The following GRIK4 variants were observed in gnomAD, a reference collection of about 807,000 sequenced individuals.
GRIK4 encodes glutamate receptor ionotropic, kainate 4.
In GRIK4, 40 loss-of-function variants were observed where a neutral mutation model predicts 104.9. That is an observed-to-expected ratio of 0.38 (90% confidence interval 0.30 to 0.50). The LOEUF (loss-of-function observed/expected upper bound fraction) is 0.50, where lower values mean the gene tolerates loss of function less well. GRIK4 is among the 20% of genes least tolerant of loss of function. The probability of loss-of-function intolerance (pLI) is 0.93; values close to 1 mark genes in which losing one functional copy is unlikely to be tolerated. For synonymous variants in GRIK4, 485 were observed against 524.9 expected, an observed-to-expected ratio of 0.92 and a Z score of 1.04; for missense variants, 1,047 against 1,308.1, an observed-to-expected ratio of 0.80 and a Z score of 3.08.
intron 8 of GRIK4, among the ~76,000 whole-genome samples, chr11:120,854,054 A>C (rs947233202): frequency 6.6e-6 from 1 of 152,332 alleles, no homozygotes; most frequent in South Asian, 2.1e-4. Flanking sequence ...TTCACTTCCA[A>C]TTGTGGTCGG....
intron 3 of GRIK4, among the ~76,000 whole-genome samples, chr11:120,697,040 C>T (rs1950460951): frequency 6.6e-6 from 1 of 152,206 alleles, no homozygotes; most frequent in African/African-American, 2.4e-5. Context: ...AATGGATCTG[C>T]CTCTGCCTCC....
chr11:120,708,130 A>G (rs1336047983), intron 3 of GRIK4, among the ~76,000 whole-genome samples: 2 of 152,178 alleles, frequency 1.3e-5, no homozygotes, highest in Non-Finnish European at 2.9e-5. Flanking sequence ...TACCATCTCC[A>G]TATGAGCCAT....
chr11:120,644,285 G>A (rs80097471), intron 1 of GRIK4, among the ~76,000 whole-genome samples: 3,186 of 152,062 alleles, frequency 0.021, 116 homozygotes, highest in African/African-American at 0.073. Context: ...TTAAATGTGT[G>A]GATCAGAAGC....
At chr11:120,572,970 T>C (rs533539878) in intron 1 of GRIK4, among the ~76,000 whole-genome samples, 1 of 152,312 alleles carries the variant, frequency 6.6e-6, no homozygotes, top group Admixed American at 6.5e-5. Context: ...GTAACCATAC[T>C]CCATTCACTC....
At chr11:120,572,068 G>A (rs991972360) in intron 1 of GRIK4, among the ~76,000 whole-genome samples, 7 of 152,146 alleles carry the variant, frequency 4.6e-5, no homozygotes, top group Admixed American at 2.0e-4. Flanking sequence ...AGATGCCGGC[G>A]GATCCAGGGT....
intron 3 of GRIK4, among the ~76,000 whole-genome samples, chr11:120,689,757 G>T (rs1950328598): frequency 6.6e-6 from 1 of 151,990 alleles, no homozygotes; most frequent in African/African-American, 2.4e-5. Context: ...TTCCTCCTCT[G>T]TTAAAATAAA....
At chr11:120,747,079 C>T (rs911051575) in intron 3 of GRIK4, among the ~76,000 whole-genome samples, 1 of 152,122 alleles carries the variant, frequency 6.6e-6, no homozygotes, top group Non-Finnish European at 1.5e-5. Flanking sequence ...GTATGGCATC[C>T]CTGAAATAAC....
chr11:120,932,583 G>T (rs1482204420), intron 13 of GRIK4, among the ~76,000 whole-genome samples: 1 of 152,160 alleles, frequency 6.6e-6, no homozygotes, highest in East Asian at 1.9e-4. Flanking sequence ...AATTCCATAA[G>T]CCTTTTCAAT....
intron 4 of GRIK4, among the ~76,000 whole-genome samples, 172 bp downstream of exon 4, chr11:120,803,029 G>A (rs966236428): frequency 6.6e-6 from 1 of 152,200 alleles, no homozygotes; most frequent in Non-Finnish European, 1.5e-5. Flanking sequence ...GCCTGGATGA[G>A]ATTCCCAGGT....
intron 11 of GRIK4, among the ~76,000 whole-genome samples, chr11:120,878,411 G>A (rs1463448952): frequency 6.6e-6 from 1 of 152,164 alleles, no homozygotes; most frequent in African/African-American, 2.4e-5. Context: ...GTAGAAGAGT[G>A]TTCGTGAACT....
chr11:120,603,712 T>C (rs1034308874), intron 1 of GRIK4, among the ~76,000 whole-genome samples: 1 of 152,188 alleles, frequency 6.6e-6, no homozygotes, highest in Non-Finnish European at 1.5e-5. Flanking sequence ...TCATACCCCT[T>C]GATGGGGCTT....
chr11:120,708,739 C>G (rs1030437234), intron 3 of GRIK4, among the ~76,000 whole-genome samples: 1 of 152,202 alleles, frequency 6.6e-6, no homozygotes, highest in Non-Finnish European at 1.5e-5. Context: ...TGCTGTCTTC[C>G]TGATACTCTG....
chr11:120,809,893 C>T (rs530325326), intron 4 of GRIK4, among the ~76,000 whole-genome samples: 27 of 152,096 alleles, frequency 1.8e-4, no homozygotes, highest in African/African-American at 5.8e-4. Flanking sequence ...TAGTGGGGCC[C>T]CATCTCTACA....
intron 3 of GRIK4, among the ~76,000 whole-genome samples, chr11:120,736,829 T>C (rs1951232880): frequency 6.6e-6 from 1 of 151,152 alleles, no homozygotes; most frequent in African/African-American, 2.4e-5. Flanking sequence ...CTAGAAAGTA[T>C]GACCAAGAAA....
intron 1 of GRIK4, among the ~76,000 whole-genome samples, chr11:120,592,872 C>T (rs562768350): frequency 1.3e-5 from 2 of 152,284 alleles, no homozygotes; most frequent in Admixed American, 6.5e-5. Flanking sequence ...CAGGGATGTG[C>T]TCTGTTCTCT....
At chr11:120,927,032 T>G (rs1056601951) in intron 13 of GRIK4, among the ~76,000 whole-genome samples, 3 of 152,100 alleles carry the variant, frequency 2.0e-5, no homozygotes, top group Admixed American at 2.0e-4. Context: ...GCAGAGCATA[T>G]GTGGAGGGGA....
intron 1 of GRIK4, among the ~76,000 whole-genome samples, chr11:120,577,243 T>C (rs571952842): frequency 6.0e-5 from 9 of 151,010 alleles, no homozygotes; most frequent in African/African-American, 2.2e-4. Flanking sequence ...TCCTGTGGAG[T>C]TGCTGTGGTC....
At chr11:120,812,401 C>T (rs1462351911) in intron 4 of GRIK4, among the ~76,000 whole-genome samples, 2 of 152,126 alleles carry the variant, frequency 1.3e-5, no homozygotes, top group African/African-American at 4.8e-5. Flanking sequence ...CTCAGCTTCC[C>T]CAGCTGTAAA....
chr11:120,820,568 G>A (rs1401212893), intron 6 of GRIK4, among the ~76,000 whole-genome samples: 1 of 152,208 alleles, frequency 6.6e-6, no homozygotes, highest in Non-Finnish European at 1.5e-5. Context: ...GCATCTGTGT[G>A]CTCCCGGCGG....
Sources: gnomAD v4.1 joint callset for allele counts (sites outside exome capture counted in the v4.1 genomes callset) on GRCh38, gnomAD v4.1.1 for gene constraint, MANE v1.5 for transcripts, NCBI Gene and HGNC (gene_info 2026-07-23, HGNC 2026-07-21) for gene names.